MYO7B: variants seen among roughly 807,000 people sequenced by gnomAD.
MYO7B encodes unconventional myosin-VIIb.
In MYO7B, 212 loss-of-function variants were observed where a neutral mutation model predicts 259.7. That is an observed-to-expected ratio of 0.82 (90% CI 0.73 to 0.91). The LOEUF (loss-of-function observed/expected upper bound fraction) is 0.91, where lower values mean the gene tolerates loss of function less well. Among genes scored for constraint, MYO7B ranks in the 40% least tolerant of loss-of-function variants. MYO7B has a pLI of 0.00. For missense variants in MYO7B, 2,732 were observed against 2,813.5 expected, an observed-to-expected ratio of 0.97 and a Z score of 0.66; for synonymous variants, 1,197 against 1,166.4, an observed-to-expected ratio of 1.03 and a Z score of -0.54.
At position 127,590,666 on chromosome 2, in the gene MYO7B, G is replaced by A. The variant is rs1176626684; in HGVS notation, c.1992+437G>A. ...TGACACCACTCCTTTCACCAGCCCT[G>A]CAGACAGTCAGCTTTACCTGCTGTG... On this transcript the variant is annotated intron_variant, in intron 16 of 47. Transcript: ENST00000409816. This position sits in a 1 kb window ranked among gnomAD's most constrained non-coding sequence, Gnocchi z 4.6. Among the ~76,000 whole-genome samples, 5 of 152,236 alleles carry A rather than the reference G, an allele frequency of 3.3e-5. No individual in the cohort carries two copies. Among genetic ancestry groups the A allele is most frequent in the Non-Finnish European group, 7.3e-5 (5 of 68,050 alleles).
rs531397074 is a variant in MYO7B at position 127,636,640 on chromosome 2, G to C, written c.6207+12G>C. The C allele has an allele frequency of 6.2e-6, 10 of 1,610,588 alleles. No individual in the cohort carries two copies. The Admixed American group carries it at 1.7e-4, about 27-fold the overall frequency. ...ACCCCAAGACCAAGGTAGCTGCTGG[G>C]CCTCCGGAGGGGCTGGGGGCCACCA... On this transcript the variant is annotated intron_variant, in intron 46 of 47. Transcript: ENST00000409816. This position sits in a 1 kb window ranked among gnomAD's most constrained non-coding sequence, Gnocchi z 4.5.
Position 127,584,923 on chromosome 2 carries a change from G to T in MYO7B, c.1690+10G>T. Reference sequence around the variant, plus strand: ...TACTACCAAGCAGAAGGTGGGTGCAGCTCTCCTCTCATGTCCCTTCCAAAT... The same window carrying T: ...TACTACCAAGCAGAAGGTGGGTGCATCTCTCCTCTCATGTCCCTTCCAAAT... On this transcript the variant is annotated intron_variant, in intron 14 of 47. Coordinates refer to ENST00000409816, the MANE Select transcript of MYO7B (RefSeq NM_001393586.1). This position sits in a 1 kb window ranked among gnomAD's most constrained non-coding sequence, Gnocchi z 5.8. The T allele has an allele frequency of 6.2e-7, 1 of 1,613,790 alleles. No individual in the cohort carries two copies. The highest frequency in any genetic ancestry group is 8.5e-7 in the Non-Finnish European group (1 of 1,179,776).
rs761322166 is a variant in MYO7B at position 127,634,214 on chromosome 2, G to A, written c.5550G>A (p.Val1850=). ...EVVANTRVRD[V]CDSIATRLQL... is the part of the protein sequence containing the mutation. ...TTGCCAACACACGGGTGCGGGATGT[G>A]TGTGACAGCATTGCCACCAGGCTGC... The change falls in exon 41 of 48, where the codon GTG becomes GTA. Residue 1850 remains valine, a synonymous_variant. Transcript: ENST00000409816. 1.9e-6 allele frequency: 3 copies of A among 1,602,962 alleles called. No homozygotes were observed. Among genetic ancestry groups the A allele is most frequent in the East Asian group, 2.2e-5 (1 of 44,724 alleles).
Position 127,634,588 on chromosome 2 carries a change from T to C in MYO7B, c.5626-8T>C, listed in dbSNP as rs1681696484. On this transcript the variant is annotated splice_polypyrimidine_tract_variant and splice_region_variant and intron_variant, in intron 41 of 47. Coordinates refer to ENST00000409816, the MANE Select transcript of MYO7B (RefSeq NM_001393586.1). ...CACCCAACTTCCCTGTACCTTCCCC[T>C]TCCCCAGGTCATCAGCCAGAAGGAG... 6.2e-7 allele frequency: 1 copy of C among 1,609,194 alleles called. No homozygotes were observed. The highest frequency in any genetic ancestry group is 1.3e-5 in the African/African-American group (1 of 74,976).
chr2:127,584,701 T>C lies in MYO7B; in HGVS notation c.1555-77T>C. On this transcript the variant is annotated intron_variant, in intron 13 of 47. Coordinates refer to ENST00000409816, the MANE Select transcript of MYO7B (RefSeq NM_001393586.1). The surrounding 1 kb of genome is among the most constrained non-coding windows in gnomAD (Gnocchi z 5.8). ...CTGAGCCCAGATCTCTTTGCCTCCA[T>C]GAGGAAGTCCCTGAGCCTCACCTCC... The C allele has an allele frequency of 1.3e-6, 2 of 1,548,306 alleles. No homozygotes were observed. The highest frequency in any genetic ancestry group is 2.2e-5 in the East Asian group (1 of 44,456).
At chr2:127,541,813 A>T (rs1429258999) in intron 1 of MYO7B, among the ~76,000 whole-genome samples, 1 of 152,240 alleles carries the variant, frequency 6.6e-6, no homozygotes, top group African/African-American at 2.4e-5. Flanking sequence ...TCTCCAGGGC[A>T]CCCTGCCTTC....
Position 127,571,442 on chromosome 2 carries a change from G to GTTTTTTTTTTTTTTTTTTTTTTTTT in MYO7B, c.592+1549_592+1550insTTTTTTTTTTTTTTTTTTTTTTTTT. ...AATTGGTCTATTTCCTTACCAGTGA[G>GTTTTTTTTTTTTTTTTTTTTTTTTT]TTTTTTTTTTTTTTTTTGCTTGTTT... On this transcript the variant is annotated intron_variant, in intron 6 of 47. Transcript: ENST00000409816. 1.3e-3 allele frequency among the ~76,000 whole-genome samples: 55 copies of GTTTTTTTTTTTTTTTTTTTTTTTTT among 41,928 alleles called. 2 individuals carry two copies. Among genetic ancestry groups the GTTTTTTTTTTTTTTTTTTTTTTTTT allele is most frequent in the Non-Finnish European group, 1.5e-3 (33 of 21,870 alleles). 27.5% of individuals were successfully genotyped at this position (41,928 alleles called of 152,430 possible).
chr2:127,542,062 G>T (rs1693026368), intron 1 of MYO7B, among the ~76,000 whole-genome samples: 1 of 152,262 alleles, frequency 6.6e-6, no homozygotes, highest in African/African-American at 2.4e-5. Flanking sequence ...AGAGGAGGGA[G>T]CCCTCATGGT....
rs1369431211 is a variant in MYO7B, at chr2:127,571,765, C to T, written c.592+1855C>T. ...AAAGTGCTGGGATTACAGGCGTGAG[C>T]CACTGTGCCTGGCCATTAGTGAGTT... On this transcript the variant is annotated intron_variant, in intron 6 of 47. Coordinates refer to ENST00000409816, the MANE Select transcript of MYO7B (RefSeq NM_001393586.1). Among the ~76,000 whole-genome samples the T allele has an allele frequency of 2.6e-5, 4 of 152,250 alleles. No individual in the cohort carries two copies. In the East Asian group the frequency reaches 7.7e-4, roughly 29 times the overall value.
chr2:127,620,405 G>C lies in MYO7B; in HGVS notation c.3464G>C (p.Arg1155Pro). 2 of 1,612,152 alleles carry C rather than the reference G, an allele frequency of 1.2e-6. No individual in the cohort carries two copies. Among genetic ancestry groups the C allele is most frequent in the Non-Finnish European group, 1.7e-6 (2 of 1,178,532 alleles). The change falls in exon 27 of 48, where the codon CGG (arginine) becomes CCG (proline). Residue 1155 changes from arginine to proline, a missense_variant. Arg to Pro is a moderately radical substitution (Grantham distance 103, BLOSUM62 -2). Around this residue, in one of 3 missense-constraint regions of MYO7B, gnomAD observed 1,906 missense variants for 2,026.4 expected, o/e 0.94. Coordinates refer to ENST00000409816, the MANE Select transcript of MYO7B (RefSeq NM_001393586.1). ...SENFKTSSLARGWILLSLCLG... is the reference protein window; with the variant it reads ...SENFKTSSLAPGWILLSLCLG... ...AACTTCAAAACAAGCAGCCTGGCCC[G>C]GGGCTGGATCCTGCTCAGCCTCTGC... is the stretch of plus-strand genomic sequence containing the variant.
Position 127,578,135 on chromosome 2 carries a change from G to T in MYO7B, c.852G>T (p.Gly284=). 1 of 1,613,698 alleles carries T rather than the reference G, an allele frequency of 6.2e-7. No individual in the cohort carries two copies. The highest frequency in any genetic ancestry group is 1.3e-5 in the African/African-American group (1 of 75,026). The change falls in exon 9 of 48, where the codon GGG becomes GGT. Residue 284 remains glycine, a splice_region_variant and synonymous_variant. Transcript: ENST00000409816. The part of the protein sequence containing the change: ...TPSEYHYLTM[G]NCTSCEGLND... ...CACTGAGGCACCCTGTCCCTCAGGG[G>T]AACTGCACTTCCTGTGAGGGGCTCA...
At chr2:127,620,714 G>A (rs747554444) in intron 27 of MYO7B, among the ~76,000 whole-genome samples, 1 of 152,232 alleles carries the variant, frequency 6.6e-6, no homozygotes, top group Non-Finnish European at 1.5e-5. Context: ...TTTGGCTCAG[G>A]TGTCAGGATG....
chr2:127,548,719 A>AT (rs527502494), intron 1 of MYO7B, among the ~76,000 whole-genome samples: 1 of 151,984 alleles, frequency 6.6e-6, no homozygotes, highest in Admixed American at 6.6e-5. Flanking sequence ...CGGCCTCTAG[A>AT]TTTTTTAACT....
intron 1 of MYO7B, among the ~76,000 whole-genome samples, chr2:127,540,578 A>T (rs1352165994): frequency 6.6e-6 from 1 of 152,210 alleles, no homozygotes; most frequent in South Asian, 2.1e-4. Context: ...GCTAGTCTAC[A>T]TTCCCACCAG....
intron 43 of MYO7B, 83 bp downstream of exon 43, chr2:127,635,309 C>A: frequency 7.5e-7 from 1 of 1,328,668 alleles, no homozygotes; most frequent in South Asian, 1.3e-5. Flanking sequence ...GCCAGCAGGC[C>A]AGGGCAGGGC....
At chr2:127,570,984 C>A (rs1003357064) in intron 6 of MYO7B, among the ~76,000 whole-genome samples, 1 of 152,196 alleles carries the variant, frequency 6.6e-6, no homozygotes, top group Non-Finnish European at 1.5e-5. Flanking sequence ...AGCTTCTCCA[C>A]CCGTTCAGGA....
intron 1 of MYO7B, among the ~76,000 whole-genome samples, chr2:127,555,003 C>T (rs1164529257): frequency 6.6e-6 from 1 of 150,658 alleles, no homozygotes; most frequent in Non-Finnish European, 1.5e-5. Flanking sequence ...GGCTGGAGCA[C>T]AGTGGCATGA....
chr2:127,610,055 C>A, intron 24 of MYO7B, 39 bp downstream of exon 24: 1 of 1,595,160 alleles, frequency 6.3e-7, no homozygotes, highest in South Asian at 1.1e-5. Flanking sequence ...AGGGCGACAC[C>A]TACCAGGTGC....
At chr2:127,573,420 C>T (rs1234548913) in intron 6 of MYO7B, among the ~76,000 whole-genome samples, 1 of 152,214 alleles carries the variant, frequency 6.6e-6, no homozygotes, top group Non-Finnish European at 1.5e-5. Context: ...TGACCACTTC[C>T]GTGTGCCCTG....
Sources: gnomAD v4.1 joint callset for allele counts (sites outside exome capture counted in the v4.1 genomes callset) on GRCh38, gnomAD v4.1.1 for gene constraint, gnomAD v4.1.1 regional missense constraint, Gnocchi (gnomAD v3.1) non-coding constraint, MANE v1.5 for transcripts, NCBI Gene and HGNC (gene_info 2026-07-23, HGNC 2026-07-21) for gene names.